Variants in UBQLN4 observed in about 807,000 individuals in gnomAD.
UBQLN4 encodes the protein ubiquilin 4.
Under a neutral mutation model 60.4 loss-of-function variants are expected in UBQLN4, and 11 were observed. The ratio of observed to expected loss-of-function variants is 0.18; its 90% CI spans 0.11 to 0.30. The LOEUF is 0.30. Among genes scored for constraint, UBQLN4 ranks in the 10% least tolerant of loss-of-function variants. The pLI is 1.00. For synonymous variants in UBQLN4, 258 were observed against 313.1 expected (o/e 0.82, Z 1.86); for missense variants, 417 against 795.5 (o/e 0.52, Z 5.72).
chr1:156,050,217 A>G lies in UBQLN4; in HGVS notation c.741+74T>C, dbSNP rs1385029001. 2 of 1,500,224 alleles carry G rather than the reference A, an allele frequency of 1.3e-6. No individual in the cohort carries two copies. Among genetic ancestry groups the G allele is most frequent in the Non-Finnish European group, 8.9e-7 (1 of 1,122,354 alleles). The allele number at this position is 1,500,224 out of a possible 1,614,324, so 92.9% of individuals were successfully genotyped here. On this transcript the variant is annotated intron_variant, in intron 4 of 10. Transcript: ENST00000368309. This position sits in a 1 kb window ranked among gnomAD's most constrained non-coding sequence, Gnocchi z 4.6. ...ACACGAATGAACAAATCAATGTAGG[A>G]CAAAGTAGGAAAGGCTGGGCAGGGC...
intron 10 of UBQLN4, among the ~76,000 whole-genome samples, chr1:156,040,448 T>A (rs1362450557): frequency 3.1e-5 from 1 of 32,038 alleles, no homozygotes; most frequent in Non-Finnish European, 1.1e-4. Flanking sequence ...CACATTTTTT[T>A]TTTTTTTTTT....
intron 1 of UBQLN4, 77 bp from the exon 2 acceptor site, chr1:156,051,934 C>T: frequency 1.3e-6 from 2 of 1,569,462 alleles, no homozygotes. Context: ...TTTTTCAACA[C>T]CTTCTGCACT....
chr1:156,037,346 A>C (rs1683432859), intron 10 of UBQLN4, among the ~76,000 whole-genome samples: 1 of 152,196 alleles, frequency 6.6e-6, no homozygotes, highest in Admixed American at 6.5e-5. Context: ...CTGTAATCCC[A>C]GCACTTTAGG....
At position 156,036,972 on chromosome 1, in the gene UBQLN4, G is replaced by A. The variant is rs752459427; in HGVS notation, c.*6C>T. On this transcript the variant is annotated 3_prime_UTR_variant, in exon 11 of 11. Transcript: ENST00000368309. ...AGGGGAGAGGCAGGAGGCATGGGCC[G>A]AGGGATTAGGAGAGCTGGGAGCCCA... 3.7e-6 allele frequency: 6 copies of A among 1,613,248 alleles called. No homozygotes were observed. In the South Asian group the frequency reaches 4.4e-5, roughly 12 times the overall value.
chr1:156,040,699 G>A (rs1342908273), intron 10 of UBQLN4, among the ~76,000 whole-genome samples: 3 of 152,008 alleles, frequency 2.0e-5, no homozygotes, highest in East Asian at 3.9e-4. Flanking sequence ...TGATCCGCCC[G>A]CCTCAGCCTC....
chr1:156,042,849 C>T lies in UBQLN4; in HGVS notation c.1191G>A (p.Met397Ile), dbSNP rs771051617. 2 of 1,614,098 alleles carry T rather than the reference C, an allele frequency of 1.2e-6. No homozygotes were observed. Among genetic ancestry groups the T allele is most frequent in the Non-Finnish European group, 1.7e-6 (2 of 1,180,040 alleles). ...TGTAGGGTGCTGAGATCACATTCTGCATCAGCTGGGGGTTCTCAGAGATCT... is the reference window on the plus strand; with the variant it reads ...TGTAGGGTGCTGAGATCACATTCTGTATCAGCTGGGGGTTCTCAGAGATCT... The part of the protein sequence containing the change: ...LQQISENPQL[M>I]QNVISAPYMR... Residue 397 changes from methionine (M) to isoleucine (I), a missense_variant, in exon 7 of 11, where the codon ATG becomes ATA. Met to Ile is a conservative substitution (Grantham distance 10). Transcript: ENST00000368309.
intron 5 of UBQLN4, among the ~76,000 whole-genome samples, chr1:156,047,190 C>A (rs1683724445): frequency 6.6e-6 from 1 of 151,642 alleles, no homozygotes; most frequent in Admixed American, 6.6e-5. Context: ...AGCCTGTATA[C>A]TTTTCCATAC....
At chr1:156,039,664 G>A (rs945655098) in intron 10 of UBQLN4, among the ~76,000 whole-genome samples, 16 of 152,066 alleles carry the variant, frequency 1.1e-4, no homozygotes, top group Non-Finnish European at 1.3e-4. Context: ...GTGGCCGGGT[G>A]CGGTGGCTGA....
intron 1 of UBQLN4, 123 bp from the exon 2 acceptor site, chr1:156,051,980 C>G: frequency 1.6e-6 from 2 of 1,252,104 alleles, no homozygotes; most frequent in Non-Finnish European, 2.2e-6. Flanking sequence ...GAAGTCCTTT[C>G]TGTAGTCTCG....
At chr1:156,043,927 A>AC (rs150633091) in intron 6 of UBQLN4, 71 bp downstream of exon 6, 66,062 of 1,490,124 alleles carry the variant, frequency 0.044, 1,837 homozygotes, top group Non-Finnish European at 0.052. Flanking sequence ...AGCAGTATGA[A>AC]CCCCATTCAG....
chr1:156,053,141 G>A (rs1683922164), intron 1 of UBQLN4, among the ~76,000 whole-genome samples: 1 of 152,104 alleles, frequency 6.6e-6, no homozygotes, highest in Non-Finnish European at 1.5e-5. Flanking sequence ...TGAAAGAGTG[G>A]GAAGGATCTG....
At chr1:156,041,376 C>G (rs1683558694) in intron 10 of UBQLN4, 109 bp downstream of exon 10, 1 of 1,241,040 alleles carries the variant, frequency 8.1e-7, no homozygotes, top group African/African-American at 1.5e-5. Context: ...AGTGGCAGAA[C>G]AGGACCTGAC....
Position 156,048,548 on chromosome 1 carries a change from T to A in UBQLN4, c.853A>T (p.Met285Leu). 1 of 1,613,220 alleles carries A rather than the reference T, an allele frequency of 6.2e-7. No individual in the cohort carries two copies. Among genetic ancestry groups the A allele is most frequent in the Non-Finnish European group, 8.5e-7 (1 of 1,179,288 alleles). Residue 285 changes from methionine to leucine, a missense_variant, in exon 5 of 11, where the codon ATG becomes TTG. By Grantham distance (15) the Met-to-Leu change is conservative. Transcript: ENST00000368309. This position sits in a 1 kb window ranked among gnomAD's most constrained non-coding sequence, Gnocchi z 4.9. Reference sequence around the variant, plus strand: ...ATGGGCTCCTGGATGTCCGTGTACATGCGGCGGAGGGCATTATACCCTCCA... The same window carrying A: ...ATGGGCTCCTGGATGTCCGTGTACAAGCGGCGGAGGGCATTATACCCTCCA... ...IPGGYNALRR[M>L]YTDIQEPMFS...
intron 7 of UBQLN4, 178 bp downstream of exon 7, chr1:156,042,590 ATCATCT>A (rs1318720110): frequency 9.2e-7 from 1 of 1,091,986 alleles, no homozygotes; most frequent in Non-Finnish European, 1.3e-6. Context: ...TATTGTTATT[ATCATCT>A]TACAGATAAA....
chr1:156,036,157 C>T lies in UBQLN4; in HGVS notation c.*821G>A. 1.0e-6 allele frequency: 1 copy of T among 985,594 alleles called. No individual in the cohort carries two copies. Among genetic ancestry groups the T allele is most frequent in the Non-Finnish European group, 1.2e-6 (1 of 829,958 alleles). The allele number at this position is 985,594 out of a possible 1,614,324, so 61.1% of individuals were successfully genotyped here. A position where few individuals can be genotyped will look rare whatever the true frequency, so the allele number is the denominator to read the frequency against. On this transcript the variant is annotated 3_prime_UTR_variant, in exon 11 of 11. Transcript: ENST00000368309. ...AAATTCCATTAGCATCTCTAAGTCT[C>T]TTCTGCCAGCTCGGGCCTGGATTCT...
rs1683578592 is a variant in UBQLN4, at chr1:156,041,952, A to G, written c.1386T>C (p.Asn462=). 1 of 1,613,686 alleles carries G rather than the reference A, an allele frequency of 6.2e-7. No individual in the cohort carries two copies. Residue 462 remains asparagine, a synonymous_variant, in exon 9 of 11, where the codon AAT becomes AAC. Coordinates refer to ENST00000368309, the MANE Select transcript of UBQLN4 (RefSeq NM_020131.5). The stretch of plus-strand genomic sequence containing the variant: ...GCAGCAATGCCTGCATGGCTCGGGG[A>G]TTGGTAAGGATGGAGAGTGACTCTG... ...QNPESLSILT[N]PRAMQALLQI...
chr1:156,052,087 C>T (rs1196252671), intron 1 of UBQLN4, among the ~76,000 whole-genome samples: 1 of 152,128 alleles, frequency 6.6e-6, no homozygotes, highest in African/African-American at 2.4e-5. Flanking sequence ...GAGTCTCCCA[C>T]CCTAGAAAGC....
downstream of UBQLN4, among the ~76,000 whole-genome samples, chr1:156,034,693 C>A (rs1683352549): frequency 2.0e-5 from 3 of 150,808 alleles, 1 homozygote; most frequent in Non-Finnish European, 4.4e-5. Flanking sequence ...CTCTACCACA[C>A]CTGACCTATG....
downstream of UBQLN4, chr1:156,033,365 T>A (rs1489348131): frequency 1.5e-5 from 13 of 893,700 alleles, no homozygotes; most frequent in Non-Finnish European, 1.7e-5. Context: ...GTGAGCCTGA[T>A]GATTCCAGGT....
Sources: gnomAD v4.1 joint callset for allele counts (sites outside exome capture counted in the v4.1 genomes callset) on GRCh38, gnomAD v4.1.1 for gene constraint, Gnocchi (gnomAD v3.1) non-coding constraint, MANE v1.5 for transcripts, NCBI Gene and HGNC (gene_info 2026-07-23, HGNC 2026-07-21) for gene names.